The following ANO4 variants were observed in gnomAD, a reference collection of about 807,000 sequenced individuals.
ANO4 encodes the protein anoctamin 4.
Under a neutral mutation model 141.9 loss-of-function variants are expected in ANO4, and 69 were observed. The observed-to-expected ratio is 0.49, with a 90% CI of 0.40 to 0.59. ANO4 has a LOEUF of 0.59. Ranked by LOEUF, ANO4 falls within the 20% of genes least tolerant of loss-of-function variation. ANO4 has a pLI of 0.00. For missense variants in ANO4, 894 were observed against 1,162.2 expected (o/e 0.77, Z 3.36); for synonymous variants, 350 against 394.3 (o/e 0.89, Z 1.33).
In ANO4 at chr12:101,086,682, T is replaced by C. The variant is rs763443164; in HGVS notation, c.1559T>C (p.Val520Ala). 1 of 1,613,804 alleles carries C rather than the reference T, an allele frequency of 6.2e-7. No homozygotes were observed. The highest frequency in any genetic ancestry group is 1.1e-5 in the South Asian group (1 of 91,076). ...FFMICVVIAA[V>A]FGIVIYRVVT... is the part of the protein sequence containing the mutation. Reference sequence around the variant, plus strand: ...CAGATCTGCGTGGTGATTGCTGCCGTGTTCGGGATCGTCATTTACCGGGTG... The same window carrying C: ...CAGATCTGCGTGGTGATTGCTGCCGCGTTCGGGATCGTCATTTACCGGGTG... The change falls in exon 17 of 28, where the codon GTG becomes GCG. Residue 520 changes from valine to alanine, a missense_variant. Transcript: ENST00000392977.
chr12:101,102,822 G>A (rs2050242217), intron 22 of ANO4, among the ~76,000 whole-genome samples: 1 of 151,682 alleles, frequency 6.6e-6, no homozygotes, highest in African/African-American at 2.4e-5. Context: ...GATATTTGAT[G>A]TTTCCCCAGT....
intron 9 of ANO4, among the ~76,000 whole-genome samples, chr12:101,035,979 G>A (rs577955265): frequency 2.0e-5 from 3 of 151,404 alleles, no homozygotes; most frequent in African/African-American, 7.3e-5. Context: ...AAACCTGCAC[G>A]TGTACTCCCT....
intron 5 of ANO4, among the ~76,000 whole-genome samples, chr12:100,962,341 T>C (rs568736818): frequency 6.6e-6 from 1 of 152,332 alleles, no homozygotes; most frequent in Non-Finnish European, 1.5e-5. Flanking sequence ...TGTGGAGAAG[T>C]GTACAGTCTC....
chr12:101,063,975 T>C (rs897738176), intron 14 of ANO4, among the ~76,000 whole-genome samples: 1 of 151,838 alleles, frequency 6.6e-6, no homozygotes, highest in Non-Finnish European at 1.5e-5. Context: ...AGAACCAGCT[T>C]TTGGTTTTAA....
chr12:100,724,383 A>G (rs984474990), intron 1 of ANO4, among the ~76,000 whole-genome samples: 4 of 152,218 alleles, frequency 2.6e-5, no homozygotes, highest in Non-Finnish European at 5.9e-5. Context: ...ATGCAAGATG[A>G]GTAAAAGATG....
At chr12:100,863,154 G>T (rs1205883063) in intron 1 of ANO4, among the ~76,000 whole-genome samples, 1 of 152,166 alleles carries the variant, frequency 6.6e-6, no homozygotes, top group Non-Finnish European at 1.5e-5. Flanking sequence ...AAGCAGGCCA[G>T]AGTAATTGGG....
At chr12:101,126,442 T>C (rs1051561299) in intron 26 of ANO4, among the ~76,000 whole-genome samples, 1 of 152,218 alleles carries the variant, frequency 6.6e-6, no homozygotes, top group Non-Finnish European at 1.5e-5. Flanking sequence ...TGTAAAGCAC[T>C]TGACAGTCTA....
At chr12:100,758,947 A>T (rs902690450) in intron 3 of ANO4, among the ~76,000 whole-genome samples, 1 of 152,130 alleles carries the variant, frequency 6.6e-6, no homozygotes, top group African/African-American at 2.4e-5. Flanking sequence ...AACACCTGTC[A>T]TTGGACTTAA....
At chr12:100,885,209 TC>T (rs1258451936) in intron 1 of ANO4, among the ~76,000 whole-genome samples, 2 of 152,216 alleles carry the variant, frequency 1.3e-5, no homozygotes, top group Non-Finnish European at 2.9e-5. Context: ...TCCCTGTTAG[TC>T]CCATGTAAGG....
At chr12:100,845,190 G>A (rs1372419755) in intron 1 of ANO4, among the ~76,000 whole-genome samples, 2 of 152,114 alleles carry the variant, frequency 1.3e-5, no homozygotes, top group South Asian at 2.1e-4. Context: ...GGGAGTGAGA[G>A]AGTGAATGGG....
intron 8 of ANO4, among the ~76,000 whole-genome samples, chr12:101,005,091 C>G (rs1444801640): frequency 6.6e-6 from 1 of 152,190 alleles, no homozygotes. Context: ...TGACTAAGAT[C>G]AGACTAAGAT....
chr12:100,873,046 C>CT (rs201516944), intron 1 of ANO4, among the ~76,000 whole-genome samples: 1,841 of 152,290 alleles, frequency 0.012, 9 homozygotes, highest in Non-Finnish European at 0.019. Flanking sequence ...AAGACCATGC[C>CT]TGCTTCCCTT....
intron 2 of ANO4, among the ~76,000 whole-genome samples, chr12:100,737,460 A>G (rs1037962245): frequency 1.3e-5 from 2 of 152,152 alleles, no homozygotes; most frequent in Non-Finnish European, 2.9e-5. Flanking sequence ...CCTTGAGCCA[A>G]TCATTGACAA....
intron 3 of ANO4, among the ~76,000 whole-genome samples, chr12:100,936,514 A>C (rs2042293824): frequency 6.6e-6 from 1 of 152,222 alleles, no homozygotes; most frequent in Admixed American, 6.5e-5. Context: ...GCCAGAAAGT[A>C]ATATTGATAG....
chr12:101,075,163 G>A (rs1219721287), intron 14 of ANO4, among the ~76,000 whole-genome samples: 1 of 152,152 alleles, frequency 6.6e-6, no homozygotes. Flanking sequence ...TGACCAGATG[G>A]ACCCAAATAG....
At chr12:100,802,676 T>G (rs2034767370) in intron 1 of ANO4, among the ~76,000 whole-genome samples, 4 of 152,176 alleles carry the variant, frequency 2.6e-5, no homozygotes, top group Admixed American at 2.6e-4. Flanking sequence ...CGTACTATGT[T>G]TCAGCTTCCT....
chr12:101,065,423 G>T (rs1208084625), intron 14 of ANO4, among the ~76,000 whole-genome samples: 1 of 152,026 alleles, frequency 6.6e-6, no homozygotes, highest in African/African-American at 2.4e-5. Context: ...ATATGAAAAA[G>T]GAGACATTAC....
At chr12:101,121,329 C>G (rs2051083402) in intron 26 of ANO4, among the ~76,000 whole-genome samples, 1 of 152,006 alleles carries the variant, frequency 6.6e-6, no homozygotes, top group Admixed American at 6.6e-5. Flanking sequence ...TAAGAACTTG[C>G]AGTGTTTAGT....
intron 8 of ANO4, among the ~76,000 whole-genome samples, chr12:100,990,990 A>G (rs982418449): frequency 2.0e-5 from 3 of 152,166 alleles, no homozygotes; most frequent in African/African-American, 7.2e-5. Flanking sequence ...GGAAGATGAG[A>G]TATCAAGACA....
Sources: allele counts gnomAD v4.1 joint callset (sites outside exome capture counted in the v4.1 genomes callset), GRCh38; gene constraint gnomAD v4.1.1; transcripts MANE v1.5; gene names NCBI Gene and HGNC (gene_info 2026-07-23, HGNC 2026-07-21).